Variants in JAKMIP1 observed in about 807,000 individuals in gnomAD.
JAKMIP1 encodes the protein janus kinase and microtubule-interacting protein 1.
Under a neutral mutation model 113.0 loss-of-function variants are expected in JAKMIP1, and 33 were observed. That is an observed-to-expected ratio of 0.29 (90% CI 0.22 to 0.39). The LOEUF (loss-of-function observed/expected upper bound fraction) is 0.39, where lower values mean the gene tolerates loss of function less well. Among genes scored for constraint, JAKMIP1 ranks in the 10% least tolerant of loss-of-function variants. The probability of loss-of-function intolerance (pLI) is 1.00; values close to 1 mark genes in which losing one functional copy is unlikely to be tolerated. For missense variants in JAKMIP1, 813 were observed against 1,080.5 expected (o/e 0.75, Z 3.47); for synonymous variants, 480 against 459.9 (o/e 1.04, Z -0.56).
intron 1 of JAKMIP1, among the ~76,000 whole-genome samples, chr4:6,189,318 G>T (rs115533057): frequency 2.6e-5 from 4 of 152,188 alleles, no homozygotes; most frequent in African/African-American, 7.2e-5. Context: ...CAGAACCTTC[G>T]CAAATCTCAT....
At position 6,042,230 on chromosome 4, in the gene JAKMIP1, A is replaced by G. The variant is rs758499332; in HGVS notation, c.2029-3T>C. 6.2e-7 allele frequency: 1 copy of G among 1,613,242 alleles called. No individual in the cohort carries two copies. The highest frequency in any genetic ancestry group is 8.5e-7 in the Non-Finnish European group (1 of 1,179,324). On this transcript the variant is annotated splice_region_variant and splice_polypyrimidine_tract_variant and intron_variant, in intron 16 of 20. Coordinates refer to ENST00000409021, the MANE Select transcript of JAKMIP1 (RefSeq NM_001099433.2). This position sits in a 1 kb window ranked among gnomAD's most constrained non-coding sequence, Gnocchi z 5.2. ...GTCCCCTCTATTTGCTTCAGCCACT[A>G]GAAAACAGCAGGGACAGGACGGGTG...
intron 3 of JAKMIP1, among the ~76,000 whole-genome samples, chr4:6,101,612 C>T (rs79346854): frequency 0.083 from 12,539 of 151,244 alleles, 717 homozygotes; most frequent in African/African-American, 0.16. Flanking sequence ...GGTGGCTGGG[C>T]GTGGTGACTC....
In JAKMIP1 at chr4:6,168,235, C is replaced by T. The variant is rs1723904142; in HGVS notation, c.-148+32018G>A. On this transcript the variant is annotated intron_variant, in intron 1 of 20. Transcript: ENST00000409021. This position sits in a 1 kb window ranked among gnomAD's most constrained non-coding sequence, Gnocchi z 4.6. ...CACTTTGGAAAACAGTCTGGTGGTTCCTTAAAATGTGAAACGCAGAATCAC... is the reference window on the plus strand; with the variant it reads ...CACTTTGGAAAACAGTCTGGTGGTTTCTTAAAATGTGAAACGCAGAATCAC... Among the ~76,000 whole-genome samples, 1 of 152,170 alleles carries T rather than the reference C, an allele frequency of 6.6e-6. No homozygotes were observed. The highest frequency in any genetic ancestry group is 1.5e-5 in the Non-Finnish European group (1 of 68,040).
In JAKMIP1 at chr4:6,192,805, CAG is replaced by C. The variant is rs553151615; in HGVS notation, c.-148+7446_-148+7447del. Among the ~76,000 whole-genome samples the C allele has an allele frequency of 9.2e-5, 14 of 152,174 alleles. No individual in the cohort carries two copies. The East Asian group carries it at 2.7e-3, about 30-fold the overall frequency. On this transcript the variant is annotated intron_variant, in intron 1 of 20. Coordinates refer to ENST00000409021, the MANE Select transcript of JAKMIP1 (RefSeq NM_001099433.2). The surrounding 1 kb of genome is among the most constrained non-coding windows in gnomAD (Gnocchi z 5.0). Reference sequence around the variant, plus strand: ...GATCATGATGATTCTCAAAAGCAAACAGGGTACTGATGGGAACCAGGGGCACA... The same window carrying C: ...GATCATGATGATTCTCAAAAGCAAACGGTACTGATGGGAACCAGGGGCACA...
chr4:6,107,716 G>A (rs947225131), intron 2 of JAKMIP1, among the ~76,000 whole-genome samples: 2 of 152,114 alleles, frequency 1.3e-5, no homozygotes, highest in African/African-American at 2.4e-5. Context: ...CGCATAAGCC[G>A]ATTCCTTAAA....
chr4:6,166,743 G>A (rs1457714398), intron 1 of JAKMIP1, among the ~76,000 whole-genome samples: 3 of 152,264 alleles, frequency 2.0e-5, no homozygotes, highest in African/African-American at 4.8e-5. Context: ...GGTGAGGTCT[G>A]TGGCAGCTGC....
At chr4:6,098,293 CG>C (rs565842979) in intron 3 of JAKMIP1, among the ~76,000 whole-genome samples, 35 of 152,140 alleles carry the variant, frequency 2.3e-4, no homozygotes, top group South Asian at 1.9e-3. Flanking sequence ...ATTAGCCAGG[CG>C]TAGTGGCAGG....
chr4:6,165,443 G>A (rs181569100), intron 1 of JAKMIP1, among the ~76,000 whole-genome samples: 65 of 152,158 alleles, frequency 4.3e-4, no homozygotes, highest in African/African-American at 1.4e-3. Flanking sequence ...GCTACCAAGC[G>A]GTAGGTGCAC....
Position 6,044,357 on chromosome 4 carries a change from T to C in JAKMIP1, c.2029-2130A>G, listed in dbSNP as rs974140543. Among the ~76,000 whole-genome samples, 18 of 152,088 alleles carry C rather than the reference T, an allele frequency of 1.2e-4. No homozygotes were observed. On this transcript the variant is annotated intron_variant, in intron 16 of 20. Coordinates refer to ENST00000409021, the MANE Select transcript of JAKMIP1 (RefSeq NM_001099433.2). The surrounding 1 kb of genome is among the most constrained non-coding windows in gnomAD (Gnocchi z 4.4). ...AGGCTGTGCAGGTTGGTGGGGTGTG[T>C]GCTGCCTGAACAGAGGGGACTAGAA...
chr4:6,117,232 C>T (rs28445114), intron 1 of JAKMIP1, among the ~76,000 whole-genome samples: 18,893 of 152,114 alleles, frequency 0.12, 1,957 homozygotes, highest in African/African-American at 0.29. Flanking sequence ...CCGATAATCA[C>T]GTAGGTTCTT....
chr4:6,113,346 C>A (rs1715256227), intron 1 of JAKMIP1, among the ~76,000 whole-genome samples: 1 of 152,200 alleles, frequency 6.6e-6, no homozygotes, highest in South Asian at 2.1e-4. Context: ...ATCAGTGAGC[C>A]TGTGTCTCCC....
rs1055811895 is a variant in JAKMIP1, at chr4:6,069,900, T to C, written c.1303-4892A>G. 1.3e-5 allele frequency among the ~76,000 whole-genome samples: 2 copies of C among 151,472 alleles called. No homozygotes were observed. Among genetic ancestry groups the C allele is most frequent in the Non-Finnish European group, 2.9e-5 (2 of 67,956 alleles). ...AAAGAGGAGGTACCCCCAAAACAAA[T>C]AGCCCCCCAACCAGATCCAGTCTCT... On this transcript the variant is annotated intron_variant, in intron 8 of 20. Transcript: ENST00000409021. The surrounding 1 kb of genome is among the most constrained non-coding windows in gnomAD (Gnocchi z 4.5).
chr4:6,115,882 G>T (rs528424330), intron 1 of JAKMIP1, among the ~76,000 whole-genome samples: 2 of 152,286 alleles, frequency 1.3e-5, no homozygotes, highest in South Asian at 2.1e-4. Context: ...GCCGGTGGGG[G>T]AAAGGGCTGC....
chr4:6,073,057 G>A (rs556314214), intron 8 of JAKMIP1, among the ~76,000 whole-genome samples: 102 of 147,228 alleles, frequency 6.9e-4, no homozygotes, highest in Non-Finnish European at 1.1e-3. Context: ...CAACCTGGGC[G>A]ACAGAGAGAA....
At chr4:6,087,947 A>G (rs1240275465) in intron 3 of JAKMIP1, among the ~76,000 whole-genome samples, 2 of 152,278 alleles carry the variant, frequency 1.3e-5, no homozygotes, top group East Asian at 1.9e-4. Context: ...GAGTGTTGCA[A>G]TTTCCAAATG....
chr4:6,102,651 C>T (rs12507895), intron 3 of JAKMIP1, among the ~76,000 whole-genome samples: 65,626 of 147,838 alleles, frequency 0.44, 16,567 homozygotes, highest in East Asian at 0.7. Flanking sequence ...AAACAGGTGT[C>T]TTGGGTTTGC....
intron 1 of JAKMIP1, among the ~76,000 whole-genome samples, chr4:6,161,726 T>C (rs1722984819): frequency 6.6e-6 from 1 of 151,950 alleles, no homozygotes; most frequent in African/African-American, 2.4e-5. Context: ...TGTGTCCTCA[T>C]TGGTCCTGGG....
At position 6,173,860 on chromosome 4, in the gene JAKMIP1, G is replaced by A. The variant is rs899936429; in HGVS notation, c.-148+26393C>T. On this transcript the variant is annotated intron_variant, in intron 1 of 20. Coordinates refer to ENST00000409021, the MANE Select transcript of JAKMIP1 (RefSeq NM_001099433.2). The stretch of plus-strand genomic sequence containing the variant: ...GGAGGCCAAGGCGGGCGGATCGCTC[G>A]AGGCCAAGAGTTTGAGACCAGCCTG... 3.9e-5 allele frequency among the ~76,000 whole-genome samples: 6 copies of A among 152,124 alleles called. 1 individual carries two copies. In the South Asian group the frequency reaches 8.3e-4, roughly 21 times the overall value.
intron 1 of JAKMIP1, among the ~76,000 whole-genome samples, chr4:6,174,201 G>T (rs1053617263): frequency 1.3e-5 from 2 of 152,182 alleles, no homozygotes; most frequent in Admixed American, 1.3e-4. Context: ...GTGAGGCCTT[G>T]ATCCAGGCCT....
Sources: allele counts gnomAD v4.1 joint callset (sites outside exome capture counted in the v4.1 genomes callset), GRCh38; gene constraint gnomAD v4.1.1; non-coding constraint Gnocchi (gnomAD v3.1); transcripts MANE v1.5; gene names NCBI Gene and HGNC (gene_info 2026-07-23, HGNC 2026-07-21).